ZNF536: variants seen among roughly 807,000 people sequenced by gnomAD.
The protein encoded by ZNF536 is zinc finger protein 536.
ZNF536 carries 13 observed loss-of-function variants against 84.5 expected under a neutral mutation model. The observed-to-expected ratio is 0.15, with a 90% CI of 0.10 to 0.24. The LOEUF (loss-of-function observed/expected upper bound fraction) is 0.24, where lower values mean the gene tolerates loss of function less well. Among genes scored for constraint, ZNF536 ranks in the 10% least tolerant of loss-of-function variants. The pLI, the probability that ZNF536 is intolerant of heterozygous loss-of-function variation, is 1.00. For synonymous variants in ZNF536, 811 were observed against 742.5 expected, an observed-to-expected ratio of 1.09 and a Z score of -1.50; for missense variants, 1,536 against 1,747.5, an observed-to-expected ratio of 0.88 and a Z score of 2.16.
chr19:30,688,174 G>A (rs75600941), intron 1 of ZNF536, among the ~76,000 whole-genome samples: 3,376 of 152,274 alleles, frequency 0.022, 123 homozygotes, highest in African/African-American at 0.074. Flanking sequence ...GGGCTGTGCA[G>A]GGGGCCTCAC....
intron 2 of ZNF536, among the ~76,000 whole-genome samples, chr19:30,348,814 C>CTTTTTTTTTTTTTTTTTT (rs5827705): frequency 7.5e-6 from 1 of 132,666 alleles, no homozygotes; most frequent in Non-Finnish European, 1.7e-5. Context: ...TTTTTCTTTT[C>CTTTTTTTTTTTTTTTTTT]TTTTTTTTTT....
intron 1 of ZNF536, among the ~76,000 whole-genome samples, chr19:30,666,832 G>GTATATATATA (rs67781281): frequency 3.9e-4 from 58 of 149,162 alleles, no homozygotes; most frequent in African/African-American, 1.4e-3. Context: ...GTGTGTGTGT[G>GTATATATATA]TATATATATA....
At chr19:30,483,887 G>T (rs556133861) in intron 2 of ZNF536, among the ~76,000 whole-genome samples, 1 of 152,156 alleles carries the variant, frequency 6.6e-6, no homozygotes, top group South Asian at 2.1e-4. Flanking sequence ...TGGGGTGGGG[G>T]TCTGACTCCT....
At chr19:30,300,199 CCACCCCGGT>C (rs2046133184) in intron 2 of ZNF536, among the ~76,000 whole-genome samples, 1 of 152,184 alleles carries the variant, frequency 6.6e-6, no homozygotes, top group African/African-American at 2.4e-5. Context: ...TCCCCCCGTC[CCACCCCGGT>C]GAATCTGATT....
At chr19:30,639,827 T>C (rs1280033918) in intron 1 of ZNF536, among the ~76,000 whole-genome samples, 1 of 152,056 alleles carries the variant, frequency 6.6e-6, no homozygotes, top group Non-Finnish European at 1.5e-5. Flanking sequence ...AGTTCACAAC[T>C]GTCTCAAGGG....
intron 2 of ZNF536, among the ~76,000 whole-genome samples, chr19:30,528,705 A>G (rs1463326124): frequency 6.6e-6 from 1 of 152,114 alleles, no homozygotes; most frequent in Non-Finnish European, 1.5e-5. Context: ...AGGGCGGAGG[A>G]GGTGCAGGCA....
chr19:30,491,043 G>C (rs929213735), intron 2 of ZNF536, among the ~76,000 whole-genome samples: 1 of 152,076 alleles, frequency 6.6e-6, no homozygotes, highest in Non-Finnish European at 1.5e-5. Flanking sequence ...CAATGAGAAA[G>C]TATTTAACTA....
intron 1 of ZNF536, among the ~76,000 whole-genome samples, chr19:30,598,486 A>T (rs572474263): frequency 6.6e-6 from 1 of 152,312 alleles, no homozygotes; most frequent in East Asian, 1.9e-4. Flanking sequence ...CATTGTCTAG[A>T]TTATTCAAAA....
At chr19:30,626,606 G>A (rs1290506708) in intron 1 of ZNF536, among the ~76,000 whole-genome samples, 2 of 152,096 alleles carry the variant, frequency 1.3e-5, no homozygotes, top group East Asian at 1.9e-4. Context: ...CTTTTCCCCC[G>A]CTACCCCCAC....
chr19:30,465,135 C>T (rs1466780947), intron 2 of ZNF536, among the ~76,000 whole-genome samples: 1 of 152,154 alleles, frequency 6.6e-6, no homozygotes, highest in African/African-American at 2.4e-5. Context: ...CATCACCTCC[C>T]ACTCTCCCTG....
chr19:30,610,200 C>T (rs2048055436), intron 1 of ZNF536, among the ~76,000 whole-genome samples: 2 of 152,224 alleles, frequency 1.3e-5, no homozygotes, highest in African/African-American at 4.8e-5. Context: ...CACATTTTCT[C>T]ATTTTTTAAT....
intron 2 of ZNF536, among the ~76,000 whole-genome samples, chr19:30,302,716 A>G (rs1352724953): frequency 1.3e-5 from 2 of 151,834 alleles, no homozygotes; most frequent in Non-Finnish European, 2.9e-5. Context: ...CCTTCCACGC[A>G]TTTTCTCTTG....
intron 1 of ZNF536, among the ~76,000 whole-genome samples, chr19:30,273,314 AAG>A (rs1218749221): frequency 6.6e-6 from 1 of 152,160 alleles, no homozygotes; most frequent in Non-Finnish European, 1.5e-5. Flanking sequence ...TTAGCCTTGT[AAG>A]AGACTGCCAA....
intron 1 of ZNF536, among the ~76,000 whole-genome samples, chr19:30,241,808 G>T (rs745335944): frequency 6.6e-6 from 1 of 152,186 alleles, no homozygotes; most frequent in African/African-American, 2.4e-5. Context: ...CATTTCAACC[G>T]TGCCCACGAA....
intron 1 of ZNF536, among the ~76,000 whole-genome samples, chr19:30,677,551 G>A (rs1175058367): frequency 1.3e-5 from 2 of 152,334 alleles, no homozygotes; most frequent in Middle Eastern, 3.4e-3. Flanking sequence ...CTGGCCCTCA[G>A]GCCCAGAGCA....
At chr19:30,285,463 G>T (rs2045593584) in intron 2 of ZNF536, among the ~76,000 whole-genome samples, 2 of 152,164 alleles carry the variant, frequency 1.3e-5, no homozygotes, top group Non-Finnish European at 2.9e-5. Flanking sequence ...AAAATTGTTG[G>T]GTTTCCAGTC....
At chr19:30,624,224 G>A (rs188461214) in intron 1 of ZNF536, among the ~76,000 whole-genome samples, 1 of 152,126 alleles carries the variant, frequency 6.6e-6, no homozygotes, top group Non-Finnish European at 1.5e-5. Context: ...GACCCCTCCT[G>A]TTCCCTCCTG....
chr19:30,700,157 TCTTTC>T (rs1302040446), intron 1 of ZNF536, among the ~76,000 whole-genome samples: 3 of 149,358 alleles, frequency 2.0e-5, no homozygotes, highest in African/African-American at 7.4e-5. Context: ...CTTCTTTCCT[TCTTTC>T]TTTTCTTTCC....
rs1012888722 is a variant in ZNF536 at position 30,490,406 on chromosome 19, TG to T, written c.2171-44440del. ...TCTCCAGGAGGGGGTTGTGTATCCT[TG>T]TTTAGATCTTCATTTTACAGATGAG... On this transcript the variant is annotated intron_variant, in intron 2 of 4. Transcript: ENST00000355537. Among the ~76,000 whole-genome samples the T allele has an allele frequency of 7.2e-5, 11 of 152,296 alleles. No homozygotes were observed. In the South Asian group the frequency reaches 1.5e-3, roughly 20 times the overall value.
Sources: gnomAD v4.1 joint callset for allele counts (sites outside exome capture counted in the v4.1 genomes callset) on GRCh38, gnomAD v4.1.1 for gene constraint, MANE v1.5 for transcripts, NCBI Gene and HGNC (gene_info 2026-07-23, HGNC 2026-07-21) for gene names.